IGDCC3: variants seen among roughly 807,000 people sequenced by gnomAD.
The protein encoded by IGDCC3 is putative neuronal cell adhesion molecule.
A neutral mutation model predicts 72.0 loss-of-function variants in IGDCC3; 47 were observed. That is an observed-to-expected ratio of 0.65 (90% CI 0.52 to 0.83). IGDCC3 has a LOEUF of 0.83. Among genes scored for constraint, IGDCC3 ranks in the 40% least tolerant of loss-of-function variants. The pLI is 0.00. For missense variants in IGDCC3, 1,038 were observed against 1,091.3 expected (o/e 0.95, Z 0.69); for synonymous variants, 477 against 472.8 (o/e 1.01, Z -0.11).
At chr15:65,333,076 C>A (rs894447107) in intron 6 of IGDCC3, among the ~76,000 whole-genome samples, 181 bp downstream of exon 6, 2 of 152,254 alleles carry the variant, frequency 1.3e-5, no homozygotes, top group African/African-American at 4.8e-5. Context: ...CCATTCCCAA[C>A]GCAAGCATTC....
In IGDCC3 at chr15:65,328,856, G is replaced by A; in HGVS notation, c.*53C>T. The A allele has an allele frequency of 6.7e-7, 1 of 1,487,608 alleles. No homozygotes were observed. The highest frequency in any genetic ancestry group is 8.9e-7 in the Non-Finnish European group (1 of 1,119,256). The allele number at this position is 1,487,608 out of a possible 1,614,324, so 92.2% of individuals were successfully genotyped here. ...ACATGACAGTAGAAATCTTGCTTTT[G>A]ACCTGAGAATGGGCCCCGCTCCGTC... On this transcript the variant is annotated 3_prime_UTR_variant, in exon 14 of 14. Coordinates refer to ENST00000327987, the MANE Select transcript of IGDCC3 (RefSeq NM_004884.4).
At chr15:65,342,279 G>A (rs1447582170) in intron 2 of IGDCC3, among the ~76,000 whole-genome samples, 1 of 151,820 alleles carries the variant, frequency 6.6e-6, no homozygotes, top group Non-Finnish European at 1.5e-5. Flanking sequence ...CCAGCTACTC[G>A]GGAAGCTAAG....
chr15:65,374,211 C>G (rs982073913), intron 2 of IGDCC3: 13 of 152,196 alleles, frequency 8.5e-5, no homozygotes, highest in Non-Finnish European at 1.8e-4. Context: ...GACACCCCCC[C>G]TTCCAGAGGT....
At chr15:65,337,560 A>G (rs2091042188) in intron 2 of IGDCC3, among the ~76,000 whole-genome samples, 1 of 152,100 alleles carries the variant, frequency 6.6e-6, no homozygotes, top group African/African-American at 2.4e-5. Context: ...AGGCTTGGTG[A>G]GAGGATCCCC....
chr15:65,359,423 G>A (rs2091246863), intron 2 of IGDCC3, among the ~76,000 whole-genome samples: 1 of 152,122 alleles, frequency 6.6e-6, no homozygotes, highest in Non-Finnish European at 1.5e-5. Flanking sequence ...CTCTTCTGAG[G>A]GTAAGGCTGG....
chr15:65,365,141 GT>G (rs2091282277), intron 2 of IGDCC3, among the ~76,000 whole-genome samples: 1 of 152,158 alleles, frequency 6.6e-6, no homozygotes, highest in African/African-American at 2.4e-5. Flanking sequence ...GAGCACCAAG[GT>G]TTTTCCCGAA....
At chr15:65,355,624 C>G (rs975899680) in intron 2 of IGDCC3, 87 of 321,008 alleles carry the variant, frequency 2.7e-4, no homozygotes, top group Middle Eastern at 1.1e-3. Flanking sequence ...AGCTGCGCCC[C>G]GGCCCGCGGC....
In IGDCC3 at chr15:65,335,894, A is replaced by G. The variant is rs745654944; in HGVS notation, c.472T>C (p.Phe158Leu). The G allele has an allele frequency of 8.1e-6, 13 of 1,614,016 alleles. No individual in the cohort carries two copies. The highest frequency in any genetic ancestry group is 8.5e-7 in the Non-Finnish European group (1 of 1,179,992). Residue 158 changes from phenylalanine (F) to leucine (L), a missense_variant, in exon 3 of 14, where the codon TTC (phenylalanine) becomes CTC (leucine). Physicochemically the swap from Phe to Leu is conservative, Grantham distance 22. Transcript: ENST00000327987. ...TVGEEGGVAR[F>L]QCQIHGLPKP... ...GGAAGCCCATGGATTTGGCACTGGA[A>G]GCGGGCCACACCACCCTCCTCACCC...
At position 65,329,073 on chromosome 15, in the gene IGDCC3, C is replaced by T. The variant is rs777084036; in HGVS notation, c.2281G>A (p.Glu761Lys). ...VLPLQGCGLM[E>K]GKTTEAKTTE... The stretch of plus-strand genomic sequence containing the variant: ...GTCTTCGCCTCCGTCGTCTTCCCCT[C>T]CATCAGGCCGCACCCCTGAAGTGGC... The change falls in exon 14 of 14, where the codon GAG (glutamate) becomes AAG (lysine). Residue 761 changes from glutamate (E) to lysine (K), a missense_variant. Transcript: ENST00000327987. The surrounding 1 kb of genome is among the most constrained non-coding windows in gnomAD (Gnocchi z 4.1). The T allele has an allele frequency of 6.2e-7, 1 of 1,611,658 alleles. No individual in the cohort carries two copies. Among genetic ancestry groups the T allele is most frequent in the Non-Finnish European group, 8.5e-7 (1 of 1,179,148 alleles).
intron 2 of IGDCC3, among the ~76,000 whole-genome samples, chr15:65,341,403 G>A (rs1447329350): frequency 6.6e-6 from 1 of 152,166 alleles, no homozygotes; most frequent in Non-Finnish European, 1.5e-5. Flanking sequence ...ACTGAAAGCA[G>A]GGTCTCAAAC....
intron 6 of IGDCC3, among the ~76,000 whole-genome samples, 168 bp downstream of exon 6, chr15:65,333,089 C>T (rs545094386): frequency 2.0e-4 from 30 of 152,208 alleles, no homozygotes; most frequent in Admixed American, 1.6e-3. Flanking sequence ...AAGCATTCCT[C>T]GGGAAGAACG....
At chr15:65,335,467 A>G (rs911148197) in intron 3 of IGDCC3, 46 bp from the exon 4 acceptor site, 20 of 1,570,798 alleles carry the variant, frequency 1.3e-5, no homozygotes, top group South Asian at 2.4e-5. Flanking sequence ...AGCCATTGAC[A>G]TAATCAGCCA....
chr15:65,330,534 G>T lies in IGDCC3; in HGVS notation c.1753+16C>A. On this transcript the variant is annotated intron_variant, in intron 10 of 13. Transcript: ENST00000327987. ...CTCTGCCAAGCCCCCTAGGCTCTGG[G>T]CTGTGTCTGCCTCACCGAGCTGGCT... is the stretch of plus-strand genomic sequence containing the variant. The T allele has an allele frequency of 1.2e-6, 2 of 1,611,234 alleles. No individual in the cohort carries two copies. Among genetic ancestry groups the T allele is most frequent in the South Asian group, 2.2e-5 (2 of 90,966 alleles).
At chr15:65,341,425 A>G (rs2091080244) in intron 2 of IGDCC3, among the ~76,000 whole-genome samples, 1 of 152,224 alleles carries the variant, frequency 6.6e-6, no homozygotes, top group African/African-American at 2.4e-5. Flanking sequence ...GATATTTGAT[A>G]ATGTCTATAG....
chr15:65,338,614 C>A (rs2091051932), intron 2 of IGDCC3, among the ~76,000 whole-genome samples: 1 of 152,170 alleles, frequency 6.6e-6, no homozygotes, highest in East Asian at 1.9e-4. Context: ...GTGTGGTCCT[C>A]TTCATCTGAG....
chr15:65,330,852 C>T, intron 9 of IGDCC3, 111 bp from the exon 10 acceptor site: 1 of 1,122,316 alleles, frequency 8.9e-7, no homozygotes. Context: ...TGGCCTCTGG[C>T]CAAGGGCATG....
intron 2 of IGDCC3, among the ~76,000 whole-genome samples, chr15:65,346,338 T>A (rs1460035159): frequency 6.6e-6 from 1 of 152,222 alleles, no homozygotes; most frequent in African/African-American, 2.4e-5. Context: ...ATGCCTGTAG[T>A]CTAGCCCACT....
chr15:65,363,301 T>A (rs1338761927), intron 2 of IGDCC3, among the ~76,000 whole-genome samples: 1 of 152,178 alleles, frequency 6.6e-6, no homozygotes, highest in Non-Finnish European at 1.5e-5. Context: ...CCGGGAATGA[T>A]GAGCCCCCAA....
At chr15:65,361,311 G>C (rs2585029) in intron 2 of IGDCC3, among the ~76,000 whole-genome samples, 2 of 150,816 alleles carry the variant, frequency 1.3e-5, no homozygotes, top group Non-Finnish European at 3.0e-5. Context: ...GTGTGGTGGT[G>C]CAGGCCTGTA....
Sources: allele counts gnomAD v4.1 joint callset (sites outside exome capture counted in the v4.1 genomes callset), GRCh38; gene constraint gnomAD v4.1.1; non-coding constraint Gnocchi (gnomAD v3.1); transcripts MANE v1.5; gene names NCBI Gene and HGNC (gene_info 2026-07-23, HGNC 2026-07-21).